The following ZNF891 variants were observed in gnomAD, a reference collection of about 807,000 sequenced individuals.
The protein encoded by ZNF891 is zinc finger protein 891, also known as hCG1646157.
For synonymous variants in ZNF891, 199 were observed against 209.0 expected, an observed-to-expected ratio of 0.95 and a Z score of 0.41; for missense variants, 589 against 632.7, an observed-to-expected ratio of 0.93 and a Z score of 0.74.
At chr12:133,128,327 C>T (rs1955836637) in intron 1 of ZNF891, among the ~76,000 whole-genome samples, 1 of 152,036 alleles carries the variant, frequency 6.6e-6, no homozygotes, top group South Asian at 2.1e-4. Flanking sequence ...AAATTAATTA[C>T]CCAGTCAAAT....
chr12:133,105,370 C>A lies in ZNF891; in HGVS notation c.*14914G>T. On this transcript the variant is annotated 3_prime_UTR_variant, in exon 2 of 2. Transcript: ENST00000537226. ...TTTCTGAAGTTCTGGGCATACTACT[C>A]AGATTTCAGTCACAGCTGTGAAAGC... 2.5e-6 allele frequency: 2 copies of A among 810,902 alleles called. No homozygotes were observed. Among genetic ancestry groups the A allele is most frequent in the Non-Finnish European group, 3.8e-6 (2 of 528,838 alleles). 50.2% of individuals were successfully genotyped at this position (810,902 alleles called of 1,614,324 possible). A position where few individuals can be genotyped will look rare whatever the true frequency, so the allele number is the denominator to read the frequency against.
rs1955688832 is a variant in ZNF891 at position 133,112,448 on chromosome 12, G to C, written c.*7836C>G. On this transcript the variant is annotated 3_prime_UTR_variant, in exon 2 of 2. Transcript: ENST00000537226. ...GTGATTCTCCTGCCTCAGCCTCCCAGTAGCTGGGACTACAGGTGTGTGCCA... is the reference window on the plus strand; with the variant it reads ...GTGATTCTCCTGCCTCAGCCTCCCACTAGCTGGGACTACAGGTGTGTGCCA... 6.6e-6 allele frequency: 1 copy of C among 152,544 alleles called. No individual in the cohort carries two copies. The highest frequency in any genetic ancestry group is 1.5e-5 in the Non-Finnish European group (1 of 68,440). 9.4% of individuals were successfully genotyped at this position (152,544 alleles called of 1,614,324 possible).
intron 1 of ZNF891, among the ~76,000 whole-genome samples, 165 bp downstream of exon 1, chr12:133,130,062 A>G (rs1347649028): frequency 6.6e-6 from 1 of 152,022 alleles, no homozygotes; most frequent in Non-Finnish European, 1.5e-5. Context: ...CCCGGTAAGT[A>G]GCCCCTCCTC....
Position 133,121,409 on chromosome 12 carries a change from T to C in ZNF891, c.510A>G (p.Gly170=). 3 of 1,536,096 alleles carry C rather than the reference T, an allele frequency of 2.0e-6. No homozygotes were observed. Among genetic ancestry groups the C allele is most frequent in the Non-Finnish European group, 2.6e-6 (3 of 1,146,874 alleles). ...GGGCATATATCATTTGCCTCCAATG[T>C]CCCCCTGGAATCTTATGCTGTTTTC... is the stretch of plus-strand genomic sequence containing the variant. ...KIRKQHKIPG[G]HWRQMIYAPK... is the part of the protein sequence containing the mutation. The change falls in exon 2 of 2, where the codon GGA becomes GGG. Residue 170 remains glycine (G), a synonymous_variant. Transcript: ENST00000537226.
Position 133,107,168 on chromosome 12 carries a change from T to TTAA in ZNF891, c.*13113_*13115dup, listed in dbSNP as rs1162215830. 2 of 152,494 alleles carry TTAA rather than the reference T, an allele frequency of 1.3e-5. No homozygotes were observed. The highest frequency in any genetic ancestry group is 4.8e-5 in the African/African-American group (2 of 41,460). The allele number at this position is 152,494 out of a possible 1,614,324, so 9.4% of individuals were successfully genotyped here. ...TCATTTACAATGCAATACTTACATT[T>TTAA]TAATACTCTTGTAGGAGAAAAAGCA... is the stretch of plus-strand genomic sequence containing the variant. On this transcript the variant is annotated 3_prime_UTR_variant, in exon 2 of 2. Coordinates refer to ENST00000537226, the MANE Select transcript of ZNF891 (RefSeq NM_001277291.2).
rs1251204586 is a variant in ZNF891 at position 133,121,738 on chromosome 12, C to T, written c.181G>A (p.Asp61Asn). The T allele has an allele frequency of 6.5e-7, 1 of 1,536,786 alleles. No homozygotes were observed. The highest frequency in any genetic ancestry group is 2.4e-5 in the East Asian group (1 of 40,920). Residue 61 changes from aspartate to asparagine, a missense_variant, in exon 2 of 2, where the codon GAT becomes AAT. Coordinates refer to ENST00000537226, the MANE Select transcript of ZNF891 (RefSeq NM_001277291.2). ...CTGTACAGACTTCTTTGAGCAGAATCCAGCATCATCCACTCCTCCTGAGTG... is the reference window on the plus strand; with the variant it reads ...CTGTACAGACTTCTTTGAGCAGAATTCAGCATCATCCACTCCTCCTGAGTG... ...EFTQEEWMML[D>N]SAQRSLYRDV... is the part of the protein sequence containing the mutation.
Position 133,111,846 on chromosome 12 carries a change from TAAAG to T in ZNF891, c.*8434_*8437del, listed in dbSNP as rs897939311. 2.4e-4 allele frequency: 37 copies of T among 151,900 alleles called. No individual in the cohort carries two copies. The highest frequency in any genetic ancestry group is 6.0e-4 in the African/African-American group (25 of 41,370). The allele number at this position is 151,900 out of a possible 1,614,324, so 9.4% of individuals were successfully genotyped here. A position where few individuals can be genotyped will look rare whatever the true frequency, so the allele number is the denominator to read the frequency against. On this transcript the variant is annotated 3_prime_UTR_variant, in exon 2 of 2. Transcript: ENST00000537226. ...CAGTAACTTACAGAAAATTAAAAAA[TAAAG>T]AAAAATAAATAAAAAAGTGAATGCT... is the stretch of plus-strand genomic sequence containing the variant.
Position 133,108,509 on chromosome 12 carries a change from C to T in ZNF891, c.*11775G>A, listed in dbSNP as rs1955655374. On this transcript the variant is annotated 3_prime_UTR_variant, in exon 2 of 2. Transcript: ENST00000537226. ...TATATCAGAGGTCATCAAGCTACAG[C>T]CCATGGGCCAGGTATTCATTTACAT... 6.6e-6 allele frequency: 1 copy of T among 152,160 alleles called. No individual in the cohort carries two copies. The highest frequency in any genetic ancestry group is 6.6e-5 in the Admixed American group (1 of 15,266). 9.4% of individuals were successfully genotyped at this position (152,160 alleles called of 1,614,324 possible). A position where few individuals can be genotyped will look rare whatever the true frequency, so the allele number is the denominator to read the frequency against.
rs1323365053 is a variant in ZNF891 at position 133,121,785 on chromosome 12, A to G, written c.134T>C (p.Phe45Ser). ...LTTWLQEPMT[F>S]KDVAVEFTQE... Reference sequence around the variant, plus strand: ...AGTGAACTCCACAGCTACATCTTTGAAAGTCATTGGTTCCTGTAACCAGGT... The same window carrying G: ...AGTGAACTCCACAGCTACATCTTTGGAAGTCATTGGTTCCTGTAACCAGGT... The change falls in exon 2 of 2, where the codon TTC (phenylalanine) becomes TCC (serine). Residue 45 changes from phenylalanine to serine, a missense_variant. Phe to Ser is a radical substitution (Grantham distance 155). Coordinates refer to ENST00000537226, the MANE Select transcript of ZNF891 (RefSeq NM_001277291.2). 6.5e-7 allele frequency: 1 copy of G among 1,536,878 alleles called. No homozygotes were observed. The highest frequency in any genetic ancestry group is 1.2e-5 in the South Asian group (1 of 84,058).
At position 133,120,821 on chromosome 12, in the gene ZNF891, A is replaced by G; in HGVS notation, c.1098T>C (p.His366=). 2 of 1,564,150 alleles carry G rather than the reference A, an allele frequency of 1.3e-6. No individual in the cohort carries two copies. The highest frequency in any genetic ancestry group is 1.2e-5 in the South Asian group (1 of 85,318). ...GTTTCTCTCCAGTGTGAGTTCTTAC[A>G]TGTCTCCTTAAGGTTGAGGAATCAT... The part of the protein sequence containing the change: ...VFNDSSTLRR[H]VRTHTGEKPY... Residue 366 remains histidine, a synonymous_variant, in exon 2 of 2, where the codon CAT becomes CAC. Transcript: ENST00000537226.
rs1446598953 is a variant in ZNF891, at chr12:133,105,608, G to A, written c.*14676C>T. 6.2e-7 allele frequency: 1 copy of A among 1,613,986 alleles called. No individual in the cohort carries two copies. The highest frequency in any genetic ancestry group is 8.5e-7 in the Non-Finnish European group (1 of 1,180,044). On this transcript the variant is annotated 3_prime_UTR_variant, in exon 2 of 2. Transcript: ENST00000537226. Reference sequence around the variant, plus strand: ...GATCATGGAAAGAATTCTAAGTCAAGGCCCTGTGTATTCCAGTTTTAAAGG... The same window carrying A: ...GATCATGGAAAGAATTCTAAGTCAAAGCCCTGTGTATTCCAGTTTTAAAGG...
In ZNF891 at chr12:133,107,781, GT is replaced by G. The variant is rs1955644998; in HGVS notation, c.*12502del. 6.6e-6 allele frequency: 1 copy of G among 152,180 alleles called. No homozygotes were observed. The highest frequency in any genetic ancestry group is 1.5e-5 in the Non-Finnish European group (1 of 68,030). 9.4% of individuals were successfully genotyped at this position (152,180 alleles called of 1,614,324 possible). ...ATTACCACCTGCCCAGCTGACAAAG[GT>G]CACACCATCAGGGTTAGTTTGCCTT... On this transcript the variant is annotated 3_prime_UTR_variant, in exon 2 of 2. Coordinates refer to ENST00000537226, the MANE Select transcript of ZNF891 (RefSeq NM_001277291.2).
Position 133,115,394 on chromosome 12 carries a change from A to C in ZNF891, c.*4890T>G, listed in dbSNP as rs1955710434. On this transcript the variant is annotated 3_prime_UTR_variant, in exon 2 of 2. Transcript: ENST00000537226. ...GGAAAAAGCAAAACTCCTTCTCAAA[A>C]AAAAAAAAAAAAAAAAAAAAAAGAT... 1 of 141,222 alleles carries C rather than the reference A, an allele frequency of 7.1e-6. No homozygotes were observed. Among genetic ancestry groups the C allele is most frequent in the African/African-American group, 2.8e-5 (1 of 35,592 alleles). 8.7% of individuals were successfully genotyped at this position (141,222 alleles called of 1,614,324 possible).
chr12:133,128,612 C>T (rs1955841355), intron 1 of ZNF891, among the ~76,000 whole-genome samples: 1 of 151,748 alleles, frequency 6.6e-6, no homozygotes, highest in African/African-American at 2.4e-5. Flanking sequence ...CCCGCCTGGG[C>T]GAGAGAGAGA....
chr12:133,121,066 T>C lies in ZNF891; in HGVS notation c.853A>G (p.Asn285Asp), dbSNP rs1273803684. Reference protein sequence around the residue: ...HFTHNMFPVPNNLHMAQNACE... With the variant: ...HFTHNMFPVPDNLHMAQNACE... ...GCATTCTGTGCCATATGCAAATTGT[T>C]AGGTACAGGAAACATATTATGTGTG... The change falls in exon 2 of 2, where the codon AAC (asparagine) becomes GAC (aspartate). Residue 285 changes from asparagine to aspartate, a missense_variant. Asn to Asp is a conservative substitution (Grantham distance 23, BLOSUM62 1). Transcript: ENST00000537226. 6.5e-7 allele frequency: 1 copy of C among 1,535,660 alleles called. No individual in the cohort carries two copies. The highest frequency in any genetic ancestry group is 1.2e-5 in the South Asian group (1 of 84,062).
intron 1 of ZNF891, among the ~76,000 whole-genome samples, chr12:133,127,055 C>G (rs1366649703): frequency 6.7e-6 from 1 of 149,478 alleles, no homozygotes; most frequent in Non-Finnish European, 1.5e-5. Flanking sequence ...ACCTCTGCCT[C>G]CCGGGTTTAA....
rs997701355 is a variant in ZNF891, at chr12:133,115,115, T to C, written c.*5169A>G. 1.3e-5 allele frequency: 2 copies of C among 152,080 alleles called. No individual in the cohort carries two copies. The highest frequency in any genetic ancestry group is 2.9e-5 in the Non-Finnish European group (2 of 68,008). The allele number at this position is 152,080 out of a possible 1,614,324, so 9.4% of individuals were successfully genotyped here. On this transcript the variant is annotated 3_prime_UTR_variant, in exon 2 of 2. Transcript: ENST00000537226. ...GAAAGATGTTTAAAAAGATGTTGGA[T>C]AGGCTGGGGGCGATGGCCTCACAAT...
At position 133,119,747 on chromosome 12, in the gene ZNF891, G is replaced by A. The variant is rs565638384; in HGVS notation, c.*537C>T. The stretch of plus-strand genomic sequence containing the variant: ...GGAATGGCCAATTCATAGGGACAAA[G>A]ATGAAGTGCAAAAAGTAGAGGACAA... On this transcript the variant is annotated 3_prime_UTR_variant, in exon 2 of 2. Transcript: ENST00000537226. The A allele has an allele frequency of 6.5e-6, 1 of 152,722 alleles. No homozygotes were observed. Among genetic ancestry groups the A allele is most frequent in the South Asian group, 2.1e-4 (1 of 4,834 alleles). 9.5% of individuals were successfully genotyped at this position (152,722 alleles called of 1,614,324 possible).
rs532026899 is a variant in ZNF891, at chr12:133,106,938, C to G, written c.*13346G>C. 1.1e-4 allele frequency: 27 copies of G among 240,424 alleles called. No homozygotes were observed. The East Asian group carries it at 1.4e-3, about 12-fold the overall frequency. The allele number at this position is 240,424 out of a possible 1,614,324, so 14.9% of individuals were successfully genotyped here. Reference sequence around the variant, plus strand: ...AGAAGACTTCATTTGGTAGGAGTCCCTTACTTTACGTGTGTAAATTCCTAC... The same window carrying G: ...AGAAGACTTCATTTGGTAGGAGTCCGTTACTTTACGTGTGTAAATTCCTAC... On this transcript the variant is annotated 3_prime_UTR_variant, in exon 2 of 2. Coordinates refer to ENST00000537226, the MANE Select transcript of ZNF891 (RefSeq NM_001277291.2).
Sources: gnomAD v4.1 joint callset for allele counts (sites outside exome capture counted in the v4.1 genomes callset) on GRCh38, gnomAD v4.1.1 for gene constraint, MANE v1.5 for transcripts, NCBI Gene and HGNC (gene_info 2026-07-23, HGNC 2026-07-21) for gene names.